The following ABI3BP variants were observed in gnomAD, a reference collection of about 807,000 sequenced individuals.
ABI3BP encodes the protein target of Nesh-SH3.
Under a neutral mutation model 268.6 loss-of-function variants are expected in ABI3BP, and 216 were observed. That is an observed-to-expected ratio of 0.80 (90% confidence interval 0.72 to 0.90). The LOEUF is 0.90. Ranked by LOEUF, ABI3BP falls within the 40% of genes least tolerant of loss-of-function variation. The pLI is 0.00. For missense variants in ABI3BP, 2,090 were observed against 2,182.4 expected (o/e 0.96, Z 0.84); for synonymous variants, 730 against 730.0 (o/e 1.00, Z 0.00).
chr3:100,843,546 AG>A (rs2098733562), intron 20 of ABI3BP: 2 of 604,246 alleles, frequency 3.3e-6, no homozygotes, highest in Non-Finnish European at 4.0e-6. Flanking sequence ...TGTGTGTGAG[AG>A]AGAGAGAGAG....
At chr3:100,912,276 TAAAA>T (rs71132535) in intron 2 of ABI3BP, 515 of 24,664 alleles carry the variant, frequency 0.021, 4 homozygotes, top group African/African-American at 0.079. Flanking sequence ...CTCTCTTTTG[TAAAA>T]AAAAAAAAAA....
chr3:100,969,557 A>G (rs2082668214), intron 1 of ABI3BP, among the ~76,000 whole-genome samples: 1 of 152,246 alleles, frequency 6.6e-6, no homozygotes, highest in Non-Finnish European at 1.5e-5. Flanking sequence ...AATGCTATAT[A>G]CAGAACAGCA....
chr3:100,859,755 A>C (rs2098977169), intron 14 of ABI3BP, among the ~76,000 whole-genome samples: 1 of 152,232 alleles, frequency 6.6e-6, no homozygotes, highest in African/African-American at 2.4e-5. Flanking sequence ...CACTAGCAGA[A>C]ACAAGAGATA....
chr3:100,969,907 C>G (rs955643469), intron 1 of ABI3BP, among the ~76,000 whole-genome samples: 3 of 152,052 alleles, frequency 2.0e-5, no homozygotes, highest in East Asian at 3.9e-4. Flanking sequence ...TAGTCTTAAT[C>G]AACAAGCTAC....
intron 1 of ABI3BP, among the ~76,000 whole-genome samples, chr3:100,960,336 G>A (rs138412439): frequency 2.4e-4 from 36 of 152,258 alleles, no homozygotes; most frequent in African/African-American, 8.4e-4. Context: ...CAGAAGAAAT[G>A]TTTGAAGAGA....
intron 2 of ABI3BP, among the ~76,000 whole-genome samples, chr3:100,921,956 G>T (rs2060354973): frequency 6.6e-6 from 1 of 152,186 alleles, no homozygotes; most frequent in Non-Finnish European, 1.5e-5. Context: ...TTAAACAAAT[G>T]ACATGTGTCA....
chr3:100,845,205 A>G (rs1052010002), intron 20 of ABI3BP, among the ~76,000 whole-genome samples: 7 of 152,210 alleles, frequency 4.6e-5, no homozygotes, highest in African/African-American at 1.2e-4. Flanking sequence ...ATAAGTGTGT[A>G]TTAAACCCTT....
At chr3:100,781,902 G>A (rs1019741995) in intron 57 of ABI3BP, among the ~76,000 whole-genome samples, 1 of 152,180 alleles carries the variant, frequency 6.6e-6, no homozygotes, top group Non-Finnish European at 1.5e-5. Flanking sequence ...GGGAGATTAA[G>A]CAATTTGCCC....
intron 51 of ABI3BP, among the ~76,000 whole-genome samples, chr3:100,801,751 G>A (rs1005723649): frequency 6.6e-6 from 1 of 151,972 alleles, no homozygotes; most frequent in African/African-American, 2.4e-5. Flanking sequence ...GAAGCTTTAG[G>A]AAAAAATGGC....
intron 32 of ABI3BP, among the ~76,000 whole-genome samples, chr3:100,830,147 A>AAAATG (rs1560541210): frequency 3.2e-5 from 2 of 62,418 alleles, no homozygotes; most frequent in Non-Finnish European, 8.0e-5. Flanking sequence ...ATATATATAT[A>AAAATG]TATATATATA....
intron 2 of ABI3BP, among the ~76,000 whole-genome samples, chr3:100,905,223 C>A (rs1027578240): frequency 6.6e-6 from 1 of 152,036 alleles, no homozygotes; most frequent in African/African-American, 2.4e-5. Flanking sequence ...AGAACACATG[C>A]ACACAGGAAG....
At chr3:100,856,583 A>G (rs979492443) in intron 14 of ABI3BP, among the ~76,000 whole-genome samples, 1 of 152,228 alleles carries the variant, frequency 6.6e-6, no homozygotes, top group Non-Finnish European at 1.5e-5. Context: ...TGGGAGAAGA[A>G]CAGGCAGGAG....
intron 2 of ABI3BP, among the ~76,000 whole-genome samples, chr3:100,915,127 G>A (rs1241356880): frequency 6.6e-6 from 1 of 152,112 alleles, no homozygotes; most frequent in African/African-American, 2.4e-5. Flanking sequence ...ACAGGTGGGT[G>A]CAGACCCTCA....
intron 2 of ABI3BP, among the ~76,000 whole-genome samples, chr3:100,906,627 T>C (rs2053566471): frequency 6.6e-6 from 1 of 152,242 alleles, no homozygotes; most frequent in African/African-American, 2.4e-5. Context: ...TGCAGTTACC[T>C]TAACAAAGTT....
intron 63 of ABI3BP, among the ~76,000 whole-genome samples, chr3:100,765,361 G>A (rs891952300): frequency 2.0e-5 from 3 of 152,108 alleles, no homozygotes; most frequent in Non-Finnish European, 4.4e-5. Context: ...CATGATAAAA[G>A]GTCCCAAAGC....
At chr3:100,855,929 A>G (rs915680828) in intron 14 of ABI3BP, among the ~76,000 whole-genome samples, 3 of 151,988 alleles carry the variant, frequency 2.0e-5, no homozygotes, top group South Asian at 2.1e-4. Flanking sequence ...AATTTGTGAA[A>G]ATATTGCCTG....
At chr3:100,789,626 A>G (rs931640398) in intron 55 of ABI3BP, 110 bp from the exon 56 acceptor site, 3 of 1,014,862 alleles carry the variant, frequency 3.0e-6, no homozygotes, top group African/African-American at 3.3e-5. Flanking sequence ...GGACGTATAA[A>G]GAAGGTTCAG....
intron 14 of ABI3BP, among the ~76,000 whole-genome samples, chr3:100,853,999 T>C (rs2098903234): frequency 6.6e-6 from 1 of 152,182 alleles, no homozygotes; most frequent in Non-Finnish European, 1.5e-5. Flanking sequence ...TGGTCAGCTT[T>C]AAGCAGCACA....
intron 67 of ABI3BP, 24 bp downstream of exon 67, chr3:100,751,528 T>C: frequency 6.4e-7 from 1 of 1,564,398 alleles, no homozygotes; most frequent in Non-Finnish European, 8.7e-7. Flanking sequence ...ACTCTGTTCT[T>C]ATGAGGAGGA....
Sources: gnomAD v4.1 joint callset for allele counts (sites outside exome capture counted in the v4.1 genomes callset) on GRCh38, gnomAD v4.1.1 for gene constraint, MANE v1.5 for transcripts, NCBI Gene and HGNC (gene_info 2026-07-23, HGNC 2026-07-21) for gene names.